Variants in DGKZ observed in about 807,000 individuals in gnomAD.
DGKZ encodes the protein diacylglycerol kinase zeta.
Under a neutral mutation model 142.5 loss-of-function variants are expected in DGKZ, and 45 were observed. The ratio of observed to expected loss-of-function variants is 0.32; its 90% CI spans 0.25 to 0.40. The LOEUF is 0.40. DGKZ is among the 10% of genes least tolerant of loss of function. DGKZ has a pLI of 1.00. For synonymous variants in DGKZ, 442 were observed against 527.0 expected, an observed-to-expected ratio of 0.84 and a Z score of 2.21; for missense variants, 755 against 1,306.5, an observed-to-expected ratio of 0.58 and a Z score of 6.51.
At chr11:46,351,483 G>A (rs1001971952) in intron 1 of DGKZ, among the ~76,000 whole-genome samples, 1 of 152,212 alleles carries the variant, frequency 6.6e-6, no homozygotes, top group Non-Finnish European at 1.5e-5. Context: ...GGTGCCCAGC[G>A]GGTGCCTGAG....
At chr11:46,350,222 A>C (rs1001861029) in intron 1 of DGKZ, among the ~76,000 whole-genome samples, 1 of 152,102 alleles carries the variant, frequency 6.6e-6, no homozygotes, top group Non-Finnish European at 1.5e-5. Context: ...CTGGGAGCTC[A>C]CTGGGGCTGG....
intron 1 of DGKZ, among the ~76,000 whole-genome samples, chr11:46,340,236 C>G (rs1481326305): frequency 6.6e-6 from 1 of 152,200 alleles, no homozygotes; most frequent in Non-Finnish European, 1.5e-5. Context: ...ACAAAGTGTA[C>G]ATATCTCTGG....
At chr11:46,345,617 T>A, upstream of DGKZ, 1 of 1,480,214 alleles carries the variant, frequency 6.8e-7, no homozygotes, top group Non-Finnish European at 8.9e-7. This position sits in a 1 kb window ranked among gnomAD's most constrained non-coding sequence, Gnocchi z 4.1. Context: ...GGAGTGGGCA[T>A]GGGACCTCTG....
intron 6 of DGKZ, 76 bp from the exon 7 acceptor site, chr11:46,371,237 A>G (rs1943910176): frequency 1.4e-6 from 2 of 1,417,858 alleles, no homozygotes; most frequent in East Asian, 2.3e-5. Flanking sequence ...GGGTGGAGAG[A>G]GGCTGGCACC....
chr11:46,378,513 G>A lies in DGKZ; in HGVS notation c.2418+13G>A, dbSNP rs762911096. 141 of 1,612,896 alleles carry A rather than the reference G, an allele frequency of 8.7e-5. No homozygotes were observed. Among genetic ancestry groups the A allele is most frequent in the Admixed American group, 1.5e-4 (9 of 59,992 alleles). On this transcript the variant is annotated intron_variant, in intron 27 of 30. Transcript: ENST00000527911. Reference sequence around the variant, plus strand: ...CGACTTCTGTAAGGTACTAGCTCCAGGCTCCAGTTCCTTCCCCCAGCAGCT... The same window carrying A: ...CGACTTCTGTAAGGTACTAGCTCCAAGCTCCAGTTCCTTCCCCCAGCAGCT...
intron 29 of DGKZ, 51 bp downstream of exon 29, chr11:46,379,287 T>TC (rs766328137): frequency 6.2e-7 from 1 of 1,607,352 alleles, no homozygotes; most frequent in Non-Finnish European, 8.5e-7. Context: ...ACCACCCTTT[T>TC]CCCCACCCCT....
exon 31 of DGKZ, chr11:46,380,180 A>T: frequency 2.0e-6 from 1 of 504,154 alleles, no homozygotes; most frequent in African/African-American, 1.9e-5. Flanking sequence ...ACAGGGAACA[A>T]GACACGGCTG....
chr11:46,343,706 G>A (rs1940390270), upstream of DGKZ, among the ~76,000 whole-genome samples: 1 of 152,100 alleles, frequency 6.6e-6, no homozygotes, highest in Non-Finnish European at 1.5e-5. Context: ...CCTGTTCTCT[G>A]GCCATGCTGG....
intron 24 of DGKZ, 56 bp from the exon 25 acceptor site, chr11:46,377,017 C>A: frequency 6.7e-7 from 1 of 1,501,072 alleles, no homozygotes; most frequent in Non-Finnish European, 9.2e-7. Flanking sequence ...AGCCTTGCTG[C>A]CCCTCGGCCC....
At chr11:46,378,833 T>G (rs1408269979) in intron 27 of DGKZ, 158 bp from the exon 28 acceptor site, 3 of 1,218,724 alleles carry the variant, frequency 2.5e-6, no homozygotes, top group Non-Finnish European at 3.4e-6. Flanking sequence ...TCCTCCGGTG[T>G]GCTCCAGAGA....
At chr11:46,345,269 C>T (rs1010961529), upstream of DGKZ, 1 of 1,359,262 alleles carries the variant, frequency 7.4e-7, no homozygotes, top group Non-Finnish European at 9.4e-7. The surrounding 1 kb of genome is among the most constrained non-coding windows in gnomAD (Gnocchi z 4.1). Flanking sequence ...TTCACGGCAG[C>T]TGGCCCCAGC....
intron 1 of DGKZ, among the ~76,000 whole-genome samples, chr11:46,352,336 G>A (rs1333378588): frequency 6.6e-6 from 1 of 152,214 alleles, no homozygotes. Flanking sequence ...GGAGGCCGGT[G>A]GGCGAGGAGC....
At chr11:46,369,986 G>A (rs761529056) in exon 6 of DGKZ, 18 of 1,613,694 alleles carry the variant, frequency 1.1e-5, no homozygotes, top group Admixed American at 1.7e-5. Flanking sequence ...ACGCCAGGAC[G>A]GCAAGTGTCG....
At chr11:46,378,055 C>G (rs1222364709) in intron 25 of DGKZ, 143 bp from the exon 26 acceptor site, 6 of 1,023,836 alleles carry the variant, frequency 5.9e-6, no homozygotes, top group Non-Finnish European at 7.3e-6. Context: ...CCTGCTGTAT[C>G]CCCAGTGCCT....
intron 4 of DGKZ, chr11:46,368,839 C>T (rs955707239): frequency 5.9e-6 from 1 of 169,036 alleles, no homozygotes. Context: ...CTCCAGGGGC[C>T]AGGCAGTGCA....
At chr11:46,373,814 T>C (rs139782258) in intron 14 of DGKZ, among the ~76,000 whole-genome samples, 1 of 152,358 alleles carries the variant, frequency 6.6e-6, no homozygotes. Context: ...TGCTGCTTTA[T>C]TCCATAGACA....
In DGKZ at chr11:46,367,692, A is replaced by T; in HGVS notation, c.311A>T (p.Asn104Ile). 1 of 1,610,572 alleles carries T rather than the reference A, an allele frequency of 6.2e-7. No homozygotes were observed. Residue 104 changes from asparagine to isoleucine, a missense_variant, in exon 3 of 31, where the codon AAC becomes ATC. Around this residue, in one of 8 missense-constraint regions of DGKZ, gnomAD observed 81 missense variants for 86.5 expected, o/e 0.94. Transcript: ENST00000527911. This position sits in a 1 kb window ranked among gnomAD's most constrained non-coding sequence, Gnocchi z 4.1. The stretch of plus-strand genomic sequence containing the variant: ...GGGGAGCACATCTGGTTCGAGACCA[A>T]CGTGTCCGGGGACTTCTGCTACGTT...
upstream of DGKZ, among the ~76,000 whole-genome samples, chr11:46,343,596 G>A (rs1250506785): frequency 6.6e-6 from 1 of 152,140 alleles, no homozygotes; most frequent in East Asian, 1.9e-4. Flanking sequence ...GTGAATATAT[G>A]CCCTAGTATT....
At chr11:46,358,613 A>G (rs1030447268) in intron 1 of DGKZ, among the ~76,000 whole-genome samples, 2 of 152,352 alleles carry the variant, frequency 1.3e-5, no homozygotes, top group Admixed American at 6.5e-5. Context: ...CAGGAGGATC[A>G]CTTGAGCCCA....
Sources: allele counts gnomAD v4.1 joint callset (sites outside exome capture counted in the v4.1 genomes callset), GRCh38; gene constraint gnomAD v4.1.1; regional missense constraint gnomAD v4.1.1; non-coding constraint Gnocchi (gnomAD v3.1); transcripts MANE v1.5; gene names NCBI Gene and HGNC (gene_info 2026-07-23, HGNC 2026-07-21).